ADGRV1: variants seen among roughly 807,000 people sequenced by gnomAD.
The protein encoded by ADGRV1 is adhesion G protein-coupled receptor V1, also known as G-protein coupled receptor 98.
A neutral mutation model predicts 596.2 loss-of-function variants in ADGRV1; 359 were observed. The observed-to-expected ratio is 0.60, with a 90% CI of 0.55 to 0.66. The LOEUF (loss-of-function observed/expected upper bound fraction) is 0.66, where lower values mean the gene tolerates loss of function less well. Among genes scored for constraint, ADGRV1 ranks in the 30% least tolerant of loss-of-function variants. ADGRV1 has a pLI of 0.00. For synonymous variants in ADGRV1, 2,681 were observed against 2,679.2 expected (o/e 1.00, Z -0.02); for missense variants, 7,274 against 7,575.6 (o/e 0.96, Z 1.48).
At chr5:90,883,673 CCTT>C (rs1339043379) in intron 83 of ADGRV1, among the ~76,000 whole-genome samples, 2 of 152,162 alleles carry the variant, frequency 1.3e-5, no homozygotes, top group Non-Finnish European at 2.9e-5. Flanking sequence ...CGGCCTTTCA[CCTT>C]CTCACACCCC....
Position 91,082,610 on chromosome 5 carries a change from G to C in ADGRV1, c.18310+10006G>C, listed in dbSNP as rs80152215. 5.6e-3 allele frequency among the ~76,000 whole-genome samples: 852 copies of C among 152,218 alleles called. 7 individuals are homozygous for C. The highest frequency in any genetic ancestry group is 0.02 in the African/African-American group (819 of 41,524). On this transcript the variant is annotated intron_variant, in intron 86 of 89. Coordinates refer to ENST00000405460, the MANE Select transcript of ADGRV1 (RefSeq NM_032119.4). ...AATACAGTTACCGATTTTTTAAAATGTATCTCTCTAAGATTTGTATTCAGA... is the reference window on the plus strand; with the variant it reads ...AATACAGTTACCGATTTTTTAAAATCTATCTCTCTAAGATTTGTATTCAGA...
intron 83 of ADGRV1, among the ~76,000 whole-genome samples, chr5:90,960,209 G>A (rs7709365): frequency 0.096 from 14,508 of 151,272 alleles, 1,181 homozygotes; most frequent in East Asian, 0.24. Flanking sequence ...GTGCAGAGAG[G>A]TACTACAAAA....
chr5:90,628,502 T>C (rs912149296), intron 7 of ADGRV1, 60 bp from the exon 8 acceptor site: 7 of 1,434,264 alleles, frequency 4.9e-6, no homozygotes, highest in Non-Finnish European at 6.8e-6. Flanking sequence ...TTGGGAAAGC[T>C]TATCTAAGGG....
chr5:90,716,090 G>A (rs1750074004), intron 42 of ADGRV1, among the ~76,000 whole-genome samples: 1 of 152,112 alleles, frequency 6.6e-6, no homozygotes, highest in Non-Finnish European at 1.5e-5. Context: ...TACTTTTACA[G>A]GTGTTATCTG....
intron 21 of ADGRV1, among the ~76,000 whole-genome samples, chr5:90,668,870 C>T (rs1041035285): frequency 2.0e-5 from 3 of 151,984 alleles, no homozygotes; most frequent in Admixed American, 1.3e-4. Flanking sequence ...GGTAACTTTT[C>T]CCTGTGACTT....
intron 85 of ADGRV1, among the ~76,000 whole-genome samples, chr5:91,001,537 A>G (rs1781856842): frequency 6.6e-6 from 1 of 151,922 alleles, no homozygotes; most frequent in Admixed American, 6.6e-5. Context: ...TTCATTGGCC[A>G]TTTTGTACTT....
At chr5:91,109,180 G>A (rs761906670) in intron 87 of ADGRV1, among the ~76,000 whole-genome samples, 3 of 151,940 alleles carry the variant, frequency 2.0e-5, no homozygotes, top group Non-Finnish European at 4.4e-5. Context: ...ACTTCTTCTC[G>A]CCCAAGAACT....
chr5:91,028,608 C>G (rs1208820038), intron 85 of ADGRV1, among the ~76,000 whole-genome samples: 1 of 152,086 alleles, frequency 6.6e-6, no homozygotes, highest in East Asian at 1.9e-4. Flanking sequence ...CTATCTTGCC[C>G]TCCTCCAGTT....
At chr5:90,772,455 T>C (rs1340492756) in intron 59 of ADGRV1, among the ~76,000 whole-genome samples, 1 of 152,206 alleles carries the variant, frequency 6.6e-6, no homozygotes, top group East Asian at 1.9e-4. Flanking sequence ...CCAAGTATAG[T>C]GCTGAAATAT....
intron 84 of ADGRV1, among the ~76,000 whole-genome samples, chr5:90,967,610 G>A (rs565336557): frequency 6.6e-6 from 1 of 152,200 alleles, no homozygotes; most frequent in South Asian, 2.1e-4. Context: ...CAGAATTTTT[G>A]ATTCATTACT....
intron 83 of ADGRV1, among the ~76,000 whole-genome samples, chr5:90,943,904 A>G (rs150924872): frequency 6.6e-6 from 1 of 152,244 alleles, no homozygotes; most frequent in East Asian, 1.9e-4. Flanking sequence ...CAAAGATTCT[A>G]TTTCCAAATA....
intron 85 of ADGRV1, among the ~76,000 whole-genome samples, chr5:91,018,401 C>T (rs1783352135): frequency 6.6e-6 from 1 of 151,924 alleles, no homozygotes; most frequent in South Asian, 2.1e-4. Flanking sequence ...ATTTACATAG[C>T]AGCATAGTGG....
At chr5:90,777,766 G>A in intron 61 of ADGRV1, 139 bp from the exon 62 acceptor site, 1 of 730,250 alleles carries the variant, frequency 1.4e-6, no homozygotes, top group Non-Finnish European at 2.2e-6. Flanking sequence ...TTGGTTTATA[G>A]TTTGGTAAAT....
intron 85 of ADGRV1, among the ~76,000 whole-genome samples, chr5:91,059,925 A>G (rs562084536): frequency 2.0e-5 from 3 of 152,122 alleles, no homozygotes; most frequent in Non-Finnish European, 2.9e-5. Context: ...TAGACTAGCA[A>G]CAATCCAATA....
Position 90,694,235 on chromosome 5 carries a change from T to C in ADGRV1, c.7479T>C (p.Phe2493=), listed in dbSNP as rs767730923. 3 of 1,613,936 alleles carry C rather than the reference T, an allele frequency of 1.9e-6. No individual in the cohort carries two copies. Among genetic ancestry groups the C allele is most frequent in the Non-Finnish European group, 2.5e-6 (3 of 1,179,860 alleles). Residue 2493 remains phenylalanine, a synonymous_variant, in exon 33 of 90, where the codon TTT becomes TTC. Coordinates refer to ENST00000405460, the MANE Select transcript of ADGRV1 (RefSeq NM_032119.4). ...RKNMTRVASL[F]SGQAVAGSDY... ...ACATGACCAGGGTAGCATCTCTTTT[T>C]AGTGGTCAGGCTGTGGCTGGGAGTG...
At chr5:90,961,113 G>A (rs1474026155) in intron 83 of ADGRV1, among the ~76,000 whole-genome samples, 2 of 151,954 alleles carry the variant, frequency 1.3e-5, no homozygotes, top group South Asian at 2.1e-4. Context: ...ATAAATGCTC[G>A]ATAACAAAAT....
intron 21 of ADGRV1, among the ~76,000 whole-genome samples, chr5:90,669,974 G>T (rs556340979): frequency 6.6e-6 from 1 of 152,242 alleles, no homozygotes; most frequent in Non-Finnish European, 1.5e-5. Context: ...TGTCGCAACT[G>T]GTTTTCGAAT....
chr5:90,776,408 T>C (rs777880472), intron 60 of ADGRV1, 45 bp from the exon 61 acceptor site: 3 of 1,568,986 alleles, frequency 1.9e-6, no homozygotes, highest in Non-Finnish European at 2.6e-6. Flanking sequence ...TACTAAGTGC[T>C]TATGTGCACC....
At chr5:90,841,474 A>G (rs1765422532) in intron 78 of ADGRV1, among the ~76,000 whole-genome samples, 1 of 152,236 alleles carries the variant, frequency 6.6e-6, no homozygotes, top group Non-Finnish European at 1.5e-5. Context: ...AGAAAAATTA[A>G]GAAATGACTA....
Sources: gnomAD v4.1 joint callset for allele counts (sites outside exome capture counted in the v4.1 genomes callset) on GRCh38, gnomAD v4.1.1 for gene constraint, MANE v1.5 for transcripts, NCBI Gene and HGNC (gene_info 2026-07-23, HGNC 2026-07-21) for gene names.